Variants in PIWIL1 observed in about 807,000 individuals in gnomAD.
PIWIL1 encodes the protein piwi like RNA-mediated gene silencing 1.
In PIWIL1, 73 loss-of-function variants were observed where a neutral mutation model predicts 114.4. The ratio of observed to expected loss-of-function variants is 0.64; its 90% CI spans 0.53 to 0.78. The LOEUF is 0.78. Among genes scored for constraint, PIWIL1 ranks in the 30% least tolerant of loss-of-function variants. The pLI is 0.00. For synonymous variants in PIWIL1, 375 were observed against 369.0 expected (o/e 1.02, Z -0.19); for missense variants, 723 against 1,063.1 (o/e 0.68, Z 4.45).
chr12:130,399,219 A>G, the PIWIL1 span: 6 of 996,594 alleles, frequency 6.0e-6, no homozygotes, highest in Non-Finnish European at 4.0e-6. Flanking sequence ...TATAATATAG[A>G]AAAACTTGCA....
At chr12:130,401,609 G>T in the PIWIL1 span, among the ~76,000 whole-genome samples, 32 of 151,672 alleles carry the variant, frequency 2.1e-4, no homozygotes, top group Non-Finnish European at 4.0e-4. Context: ...TTCTCTCACC[G>T]GCTCCATTAT....
the PIWIL1 span, among the ~76,000 whole-genome samples, chr12:130,393,874 C>T: frequency 1.3e-5 from 2 of 152,178 alleles, no homozygotes; most frequent in Admixed American, 1.3e-4. Flanking sequence ...CTCCCATCCT[C>T]CCCAATATCA....
At chr12:130,380,472 C>T in the PIWIL1 span, among the ~76,000 whole-genome samples, 2 of 152,150 alleles carry the variant, frequency 1.3e-5, no homozygotes, top group African/African-American at 4.8e-5. Context: ...ACCAAGAGGA[C>T]CACTAAGGTG....
the PIWIL1 span, among the ~76,000 whole-genome samples, chr12:130,408,197 G>A: frequency 1.3e-5 from 2 of 152,298 alleles, no homozygotes; most frequent in East Asian, 1.9e-4. Flanking sequence ...CAGAGTGCAC[G>A]GTTGTGACAT....
the PIWIL1 span, among the ~76,000 whole-genome samples, chr12:130,421,947 A>C: frequency 2.6e-5 from 4 of 152,244 alleles, no homozygotes; most frequent in Admixed American, 6.5e-5. Flanking sequence ...CTCATGAGCA[A>C]GGGAGGTGCC....
Position 130,362,974 on chromosome 12 carries a change from T to C in PIWIL1, c.2042-17T>C. On this transcript the variant is annotated splice_polypyrimidine_tract_variant and intron_variant, in intron 17 of 20. Transcript: ENST00000245255. Reference sequence around the variant, plus strand: ...CGTAGGCATGAATTGACATAAAACTTCTCTGGCCTGTTTCAGCGGCTCTGA... The same window carrying C: ...CGTAGGCATGAATTGACATAAAACTCCTCTGGCCTGTTTCAGCGGCTCTGA... 6.2e-7 allele frequency: 1 copy of C among 1,613,242 alleles called. No homozygotes were observed. The highest frequency in any genetic ancestry group is 8.5e-7 in the Non-Finnish European group (1 of 1,179,338).
At chr12:130,411,059 G>A in the PIWIL1 span, among the ~76,000 whole-genome samples, 167 of 152,274 alleles carry the variant, frequency 1.1e-3, 1 homozygote, top group African/African-American at 3.6e-3. Flanking sequence ...AATACTGCAC[G>A]TGTTTTGTTA....
intron 3 of PIWIL1, 74 bp from the exon 4 acceptor site, chr12:130,345,679 A>G: frequency 6.7e-7 from 1 of 1,492,090 alleles, no homozygotes; most frequent in Non-Finnish European, 9.3e-7. Flanking sequence ...TACACATAAT[A>G]GCACTATGGG....
intron 9 of PIWIL1, among the ~76,000 whole-genome samples, chr12:130,351,941 A>G (rs2136149098): frequency 6.6e-6 from 1 of 151,992 alleles, no homozygotes; most frequent in Non-Finnish European, 1.5e-5. Flanking sequence ...AAGTGTGGTG[A>G]TCTTTCTCCA....
the PIWIL1 span, among the ~76,000 whole-genome samples, chr12:130,418,219 A>G: frequency 6.6e-6 from 1 of 152,226 alleles, no homozygotes; most frequent in African/African-American, 2.4e-5. Context: ...TCTTTTTTGA[A>G]TGCCTAATCT....
At chr12:130,425,688 C>T in the PIWIL1 span, 1 of 152,522 alleles carries the variant, frequency 6.6e-6, no homozygotes, top group East Asian at 1.9e-4. Flanking sequence ...CTCAACTCAC[C>T]CTCTACCCAA....
chr12:130,349,356 C>T lies in PIWIL1; in HGVS notation c.852C>T (p.Phe284=), dbSNP rs1216064204. ...GTGAGACTGTTTTGGATTTCATGTTCAACTTTTATCATCAGACAGAAGAAC... is the reference window on the plus strand; with the variant it reads ...GTGAGACTGTTTTGGATTTCATGTTTAACTTTTATCATCAGACAGAAGAAC... ...LRSETVLDFM[F]NFYHQTEEHK... Residue 284 remains phenylalanine (F), a synonymous_variant, in exon 8 of 21, where the codon TTC becomes TTT. Coordinates refer to ENST00000245255, the MANE Select transcript of PIWIL1 (RefSeq NM_004764.5). 9 of 1,613,446 alleles carry T rather than the reference C, an allele frequency of 5.6e-6. No homozygotes were observed. The highest frequency in any genetic ancestry group is 2.2e-5 in the East Asian group (1 of 44,864).
the PIWIL1 span, chr12:130,399,706 A>C: frequency 2.5e-6 from 4 of 1,614,118 alleles, no homozygotes; most frequent in Non-Finnish European, 3.4e-6. Flanking sequence ...GCATTGGCGT[A>C]TCTTGAGAGT....
the PIWIL1 span, among the ~76,000 whole-genome samples, chr12:130,421,666 T>C: frequency 3.2e-4 from 49 of 150,862 alleles, no homozygotes; most frequent in Middle Eastern, 3.4e-3. Flanking sequence ...ATTTCTGCTG[T>C]ATCAAGAGTT....
chr12:130,365,923 G>A (rs563601936), intron 18 of PIWIL1, among the ~76,000 whole-genome samples: 6 of 152,304 alleles, frequency 3.9e-5, no homozygotes, highest in East Asian at 1.9e-4. Context: ...ACGGGCAGTC[G>A]CTGGGCAGCA....
At chr12:130,407,635 A>G in the PIWIL1 span, 6 of 970,432 alleles carry the variant, frequency 6.2e-6, no homozygotes, top group Non-Finnish European at 1.0e-5. Context: ...AGGAATGAGG[A>G]GGTGAACACA....
At chr12:130,374,180 T>G (rs2136206960), downstream of PIWIL1, among the ~76,000 whole-genome samples, 1 of 152,324 alleles carries the variant, frequency 6.6e-6, no homozygotes, top group Admixed American at 6.5e-5. Context: ...ACGCATTCCC[T>G]AAGTCCTACA....
In PIWIL1 at chr12:130,356,963, G is replaced by C; in HGVS notation, c.1450G>C (p.Gly484Arg). 2 of 1,612,738 alleles carry C rather than the reference G, an allele frequency of 1.2e-6. No individual in the cohort carries two copies. The highest frequency in any genetic ancestry group is 1.7e-4 in the Middle Eastern group (1 of 5,958). The change falls in exon 13 of 21, where the codon GGT (glycine) becomes CGT (arginine). Residue 484 changes from glycine (G) to arginine (R), a missense_variant. Around this residue, in one of 8 missense-constraint regions of PIWIL1, gnomAD observed 298 missense variants for 420.8 expected, o/e 0.71. Transcript: ENST00000245255. ...QFADWSKETR[G>R]APLISVKPLD... The stretch of plus-strand genomic sequence containing the variant: ...TGCAGATTGGTCCAAAGAAACAAGA[G>C]GTGCACCATTAATTAGTGTTAAGCC...
At chr12:130,392,722 C>G in the PIWIL1 span, among the ~76,000 whole-genome samples, 3 of 96,338 alleles carry the variant, frequency 3.1e-5, no homozygotes, top group East Asian at 5.0e-4. Flanking sequence ...ATGACCCGGT[C>G]ACCGTCATCA....
Sources: allele counts gnomAD v4.1 joint callset (sites outside exome capture counted in the v4.1 genomes callset), GRCh38; gene constraint gnomAD v4.1.1; regional missense constraint gnomAD v4.1.1; transcripts MANE v1.5; gene names NCBI Gene and HGNC (gene_info 2026-07-23, HGNC 2026-07-21).